Variants in RTL4 observed in about 807,000 individuals in gnomAD.
RTL4 encodes the protein retrotransposon Gag-like protein 4.
A neutral mutation model predicts 5.3 loss-of-function variants in RTL4; 4 were observed. That is an observed-to-expected ratio of 0.75 (90% CI 0.37 to 1.72). The LOEUF (loss-of-function observed/expected upper bound fraction) is 1.72. RTL4 is among the 40% of genes most tolerant of loss of function. The pLI is 0.04. For missense variants in RTL4, 260 were observed against 227.1 expected, an observed-to-expected ratio of 1.14 and a Z score of -0.93; for synonymous variants, 98 against 87.3, an observed-to-expected ratio of 1.12 and a Z score of -0.68.
At chrX:112,221,126 G>A in the RTL4 span, among the ~76,000 whole-genome samples, 1 of 111,958 alleles carries the variant, frequency 8.9e-6, no homozygotes, top group African/African-American at 3.2e-5. Flanking sequence ...TGGCTGGGGA[G>A]GCCTCAGGAA....
the RTL4 span, among the ~76,000 whole-genome samples, chrX:112,183,213 C>T: frequency 8.9e-6 from 1 of 112,032 alleles, no homozygotes; most frequent in Non-Finnish European, 1.9e-5. Context: ...AAAAACATAC[C>T]AAATTGCAAA....
At chrX:112,326,682 T>C in the RTL4 span, among the ~76,000 whole-genome samples, 5 of 112,149 alleles carry the variant, frequency 4.5e-5, no homozygotes, top group East Asian at 1.4e-3. Context: ...CCTGCCTCTG[T>C]AGGCTCCACC....
At chrX:112,222,677 G>T in the RTL4 span, among the ~76,000 whole-genome samples, 2 of 110,565 alleles carry the variant, frequency 1.8e-5, no homozygotes, top group Admixed American at 9.6e-5. Flanking sequence ...AGGATACAGT[G>T]AGCTGTGATC....
chrX:112,205,625 A>G, the RTL4 span, among the ~76,000 whole-genome samples: 5 of 111,115 alleles, frequency 4.5e-5, no homozygotes, highest in South Asian at 3.8e-4. Flanking sequence ...ACACACACAC[A>G]CGCACACACA....
chrX:112,184,342 A>G, the RTL4 span, among the ~76,000 whole-genome samples: 1 of 111,860 alleles, frequency 8.9e-6, no homozygotes, highest in African/African-American at 3.3e-5. Context: ...CCTGGAACTT[A>G]AAGTATAATA....
At chrX:112,094,809 G>A in the RTL4 span, among the ~76,000 whole-genome samples, 1 of 111,502 alleles carries the variant, frequency 9.0e-6, no homozygotes, top group Non-Finnish European at 1.9e-5. Context: ...TGACTACTAG[G>A]GTTAATAACA....
the RTL4 span, among the ~76,000 whole-genome samples, chrX:112,174,745 C>G: frequency 2.1e-5 from 2 of 94,990 alleles, no homozygotes; most frequent in African/African-American, 3.8e-5. Context: ...CAGCACCTGT[C>G]GTTTCCTGAC....
At chrX:112,125,914 T>C in the RTL4 span, among the ~76,000 whole-genome samples, 2 of 111,749 alleles carry the variant, frequency 1.8e-5, no homozygotes, top group Non-Finnish European at 3.8e-5. Flanking sequence ...CCTTAAGAGA[T>C]TTGTCAAACT....
the RTL4 span, among the ~76,000 whole-genome samples, chrX:112,238,235 A>G: frequency 8.9e-6 from 1 of 112,044 alleles, no homozygotes; most frequent in Non-Finnish European, 1.9e-5. Flanking sequence ...GACAAGTAGT[A>G]TATTTCATAT....
the RTL4 span, among the ~76,000 whole-genome samples, chrX:112,084,074 C>T: frequency 9.0e-6 from 1 of 111,408 alleles, no homozygotes; most frequent in Non-Finnish European, 1.9e-5. Context: ...CTTCCTGTTG[C>T]TCTTTAACCC....
the RTL4 span, among the ~76,000 whole-genome samples, chrX:112,283,537 A>G: frequency 3.6e-5 from 4 of 111,365 alleles, no homozygotes; most frequent in African/African-American, 1.3e-4. Context: ...GGTATCACCA[A>G]CAGGATCAGA....
At chrX:112,126,616 A>G in the RTL4 span, among the ~76,000 whole-genome samples, 1 of 112,370 alleles carries the variant, frequency 8.9e-6, no homozygotes, top group Admixed American at 9.5e-5. Flanking sequence ...GAATCAATGA[A>G]GCCAAAATTG....
chrX:112,341,890 AC>A, the RTL4 span, among the ~76,000 whole-genome samples: 2 of 111,006 alleles, frequency 1.8e-5, no homozygotes, highest in African/African-American at 6.6e-5. Context: ...CTTTTCCTGT[AC>A]CCTCCCTACT....
chrX:112,091,305 G>C, the RTL4 span, among the ~76,000 whole-genome samples: 2 of 111,088 alleles, frequency 1.8e-5, no homozygotes, highest in Non-Finnish European at 3.8e-5. Flanking sequence ...GGTTTAATTT[G>C]TTCTATTACT....
chrX:112,422,582 A>G, the RTL4 span, among the ~76,000 whole-genome samples: 1 of 110,882 alleles, frequency 9.0e-6, no homozygotes, highest in East Asian at 2.8e-4. Flanking sequence ...TTTTTTTTCT[A>G]AGTAAAAGAA....
At chrX:112,237,783 C>A in the RTL4 span, among the ~76,000 whole-genome samples, 5 of 111,905 alleles carry the variant, frequency 4.5e-5, no homozygotes, top group Non-Finnish European at 9.4e-5. Context: ...CAGCACCTAG[C>A]GTAGAGAAGG....
At chrX:112,175,219 C>T in the RTL4 span, among the ~76,000 whole-genome samples, 20 of 99,933 alleles carry the variant, frequency 2.0e-4, no homozygotes, top group Non-Finnish European at 4.0e-4. Context: ...TTAGGTCTAA[C>T]GTTTAAGTCT....
the RTL4 span, among the ~76,000 whole-genome samples, chrX:112,187,936 A>G: frequency 2.7e-5 from 3 of 111,718 alleles, no homozygotes; most frequent in Admixed American, 9.5e-5. Flanking sequence ...TATCTTAATT[A>G]TTTAGGAATG....
the RTL4 span, among the ~76,000 whole-genome samples, chrX:112,142,451 A>C: frequency 8.9e-6 from 1 of 111,998 alleles, no homozygotes. Context: ...GTTTAATTCT[A>C]CCTATGATCA....
Sources: allele counts gnomAD v4.1 joint callset (sites outside exome capture counted in the v4.1 genomes callset), GRCh38; gene constraint gnomAD v4.1.1; transcripts MANE v1.5; gene names NCBI Gene and HGNC (gene_info 2026-07-23, HGNC 2026-07-21).